DPP10: variants seen among roughly 807,000 people sequenced by gnomAD.
The protein encoded by DPP10 is dipeptidyl peptidase like 10, also known as inactive dipeptidyl peptidase 10.
In DPP10, 33 loss-of-function variants were observed where a neutral mutation model predicts 120.9. The observed-to-expected ratio is 0.27, with a 90% CI of 0.21 to 0.37. The LOEUF (loss-of-function observed/expected upper bound fraction) is 0.37. DPP10 is among the 10% of genes least tolerant of loss of function. DPP10 has a pLI of 1.00. For missense variants in DPP10, 816 were observed against 942.8 expected (o/e 0.87, Z 1.76); for synonymous variants, 337 against 326.1 (o/e 1.03, Z -0.36).
chr2:115,150,896 A>G (rs1464267975), intron 1 of DPP10, among the ~76,000 whole-genome samples: 1 of 152,226 alleles, frequency 6.6e-6, no homozygotes. Flanking sequence ...AATAAAATAT[A>G]CCATTGATTT....
At chr2:115,267,949 A>G (rs1002056686) in intron 1 of DPP10, among the ~76,000 whole-genome samples, 1 of 152,152 alleles carries the variant, frequency 6.6e-6, no homozygotes, top group Non-Finnish European at 1.5e-5. Flanking sequence ...CAAACATCTT[A>G]CTCATTGACA....
At chr2:114,968,886 G>A (rs751651748) in intron 1 of DPP10, among the ~76,000 whole-genome samples, 6 of 152,158 alleles carry the variant, frequency 3.9e-5, no homozygotes, top group Non-Finnish European at 8.8e-5. Flanking sequence ...CAATGTGAGT[G>A]TTTCTGTGGT....
rs1384073454 is a variant in DPP10, at chr2:114,993,578, G to GTATATATATATATA, written c.61-315660_61-315659insATATATATATATAT. On this transcript the variant is annotated intron_variant, in intron 1 of 25. Transcript: ENST00000410059. ...GGATTCTTATTATGTGTGTGTGTGT[G>GTATATATATATATA]TGTATATATATATATATATATATAT... Among the ~76,000 whole-genome samples the GTATATATATATATA allele has an allele frequency of 4.7e-3, 421 of 89,074 alleles. 3 individuals carry two copies. The highest frequency in any genetic ancestry group is 0.014 in the African/African-American group (364 of 26,162). 58.4% of individuals were successfully genotyped at this position (89,074 alleles called of 152,430 possible).
chr2:114,558,015 T>G lies in DPP10; in HGVS notation c.60+115177T>G, dbSNP rs148483076. On this transcript the variant is annotated intron_variant, in intron 1 of 25. Coordinates refer to ENST00000410059, the MANE Select transcript of DPP10 (RefSeq NM_020868.6). ...GCACAGAACATCTTTCTGAGTAATC[T>G]CTTCCATACTCCAGGTGGCGAATTA... Among the ~76,000 whole-genome samples the G allele has an allele frequency of 2.8e-3, 421 of 152,280 alleles. 4 individuals carry two copies. Among genetic ancestry groups the G allele is most frequent in the African/African-American group, 9.8e-3 (409 of 41,560 alleles).
At chr2:115,142,191 C>T (rs1481123405) in intron 1 of DPP10, among the ~76,000 whole-genome samples, 6 of 152,170 alleles carry the variant, frequency 3.9e-5, no homozygotes, top group African/African-American at 1.4e-4. Context: ...TTAAAGGCTG[C>T]ACTCCTCTTG....
At chr2:114,903,670 T>C (rs989823024) in intron 1 of DPP10, among the ~76,000 whole-genome samples, 2 of 152,210 alleles carry the variant, frequency 1.3e-5, no homozygotes, top group Admixed American at 6.5e-5. Flanking sequence ...AAATTATATG[T>C]TGAAGCCCTA....
At chr2:115,654,420 C>T (rs747676456) in intron 5 of DPP10, among the ~76,000 whole-genome samples, 2 of 151,794 alleles carry the variant, frequency 1.3e-5, no homozygotes, top group Admixed American at 6.6e-5. Flanking sequence ...TTGAATAAAA[C>T]TAAGCACATA....
At chr2:114,965,162 A>G (rs528296751) in intron 1 of DPP10, among the ~76,000 whole-genome samples, 114 of 151,708 alleles carry the variant, frequency 7.5e-4, no homozygotes, top group African/African-American at 2.7e-3. Flanking sequence ...TTTTGGACGG[A>G]TTTTTGCTCT....
chr2:115,107,329 A>C (rs1455536666), intron 1 of DPP10, among the ~76,000 whole-genome samples: 3 of 151,902 alleles, frequency 2.0e-5, no homozygotes, highest in Non-Finnish European at 4.4e-5. Context: ...AGGATTAAAA[A>C]TAAATTGTTT....
chr2:115,060,277 AG>A (rs1236509293), intron 1 of DPP10, among the ~76,000 whole-genome samples: 1 of 151,482 alleles, frequency 6.6e-6, no homozygotes, highest in Non-Finnish European at 1.5e-5. Flanking sequence ...ATAGAACGAA[AG>A]AAAGGATAGG....
intron 1 of DPP10, among the ~76,000 whole-genome samples, chr2:114,468,397 C>CAAAAAAAAAAAAAAAAAAA (rs71297186): frequency 5.8e-5 from 4 of 69,560 alleles, no homozygotes; most frequent in African/African-American, 1.6e-4. Context: ...GCTTACAATG[C>CAAAAAAAAAAAAAAAAAAA]AAAAAAAAAA....
At chr2:114,581,320 A>G (rs1471957311) in intron 1 of DPP10, among the ~76,000 whole-genome samples, 1 of 151,108 alleles carries the variant, frequency 6.6e-6, no homozygotes, top group East Asian at 2.0e-4. Context: ...AGTAGCTGGG[A>G]CTACAGGTGC....
chr2:115,600,011 C>G (rs1183311929), intron 5 of DPP10, among the ~76,000 whole-genome samples: 1 of 152,046 alleles, frequency 6.6e-6, no homozygotes, highest in Non-Finnish European at 1.5e-5. Flanking sequence ...CTGTCTTTGA[C>G]TCTTTGGGAG....
chr2:115,002,997 A>G (rs1574672076), intron 1 of DPP10, among the ~76,000 whole-genome samples: 1 of 151,998 alleles, frequency 6.6e-6, no homozygotes, highest in East Asian at 1.9e-4. Context: ...TTGACCCAGC[A>G]TTCTCATTAC....
chr2:115,456,158 CAG>C (rs2073520369), intron 3 of DPP10, among the ~76,000 whole-genome samples: 1 of 152,112 alleles, frequency 6.6e-6, no homozygotes, highest in Non-Finnish European at 1.5e-5. Context: ...AGAAAATGAA[CAG>C]ACTCTTCTCA....
chr2:114,784,545 A>AGCACAG (rs1392215330), intron 1 of DPP10, among the ~76,000 whole-genome samples: 6 of 152,076 alleles, frequency 3.9e-5, no homozygotes, highest in Non-Finnish European at 8.8e-5. Flanking sequence ...TATTCCAGAG[A>AGCACAG]GCACATGGTT....
intron 5 of DPP10, among the ~76,000 whole-genome samples, chr2:115,642,021 G>A (rs938315718): frequency 3.0e-4 from 46 of 152,166 alleles, no homozygotes; most frequent in African/African-American, 1.0e-3. Flanking sequence ...CAGAAAGATA[G>A]GGCATTGCTT....
At chr2:115,062,342 G>C (rs978504126) in intron 1 of DPP10, among the ~76,000 whole-genome samples, 7 of 152,042 alleles carry the variant, frequency 4.6e-5, no homozygotes, top group African/African-American at 1.7e-4. Context: ...TTTTGATGCT[G>C]CATTTTAAAA....
intron 1 of DPP10, among the ~76,000 whole-genome samples, chr2:114,821,520 C>CAAAGTTGTGTTT (rs1686086663): frequency 6.6e-6 from 1 of 152,146 alleles, no homozygotes; most frequent in African/African-American, 2.4e-5. Context: ...ACCACAAAAA[C>CAAAGTTGTGTTT]ACAACCCCAC....
Sources: gnomAD v4.1 joint callset for allele counts (sites outside exome capture counted in the v4.1 genomes callset) on GRCh38, gnomAD v4.1.1 for gene constraint, MANE v1.5 for transcripts, NCBI Gene and HGNC (gene_info 2026-07-23, HGNC 2026-07-21) for gene names.